The following ATG7 variants were observed in gnomAD, a reference collection of about 807,000 sequenced individuals.
ATG7 encodes the protein autophagy related 7, also known as ubiquitin-like modifier-activating enzyme ATG7.
In ATG7, 70 loss-of-function variants were observed where a neutral mutation model predicts 82.4. The observed-to-expected ratio is 0.85, with a 90% CI of 0.70 to 1.04. ATG7 has a LOEUF of 1.04. Ranked by LOEUF, ATG7 falls within the 50% of genes least tolerant of loss-of-function variation. ATG7 has a pLI of 0.00. For synonymous variants in ATG7, 287 were observed against 313.0 expected (o/e 0.92, Z 0.88); for missense variants, 792 against 864.3 (o/e 0.92, Z 1.05).
intron 19 of ATG7, among the ~76,000 whole-genome samples, chr3:11,389,358 G>A (rs2078592438): frequency 6.8e-6 from 1 of 148,072 alleles, no homozygotes; most frequent in African/African-American, 2.5e-5. Flanking sequence ...ATATGGATAT[G>A]AACTTAATCA....
chr3:11,455,312 C>T (rs2085595335), intron 20 of ATG7, among the ~76,000 whole-genome samples: 1 of 152,156 alleles, frequency 6.6e-6, no homozygotes, highest in Non-Finnish European at 1.5e-5. Flanking sequence ...TGTCCTTACC[C>T]AGTAAGACTA....
At chr3:11,553,501 A>G (rs2072036895) in intron 20 of ATG7, among the ~76,000 whole-genome samples, 1 of 151,768 alleles carries the variant, frequency 6.6e-6, no homozygotes, top group Non-Finnish European at 1.5e-5. Context: ...CCTAAATGCA[A>G]CCTTTGTTAG....
chr3:11,539,346 A>G (rs1291343235), intron 20 of ATG7, among the ~76,000 whole-genome samples: 1 of 152,240 alleles, frequency 6.6e-6, no homozygotes, highest in African/African-American at 2.4e-5. Flanking sequence ...GCAGGACCCA[A>G]TCCTGGAAGT....
intron 12 of ATG7, 139 bp downstream of exon 12, chr3:11,340,874 A>G (rs993215451): frequency 8.9e-6 from 6 of 671,872 alleles, no homozygotes; most frequent in African/African-American, 1.8e-5. Context: ...CTGCTCTTCA[A>G]TTGAAGTTTG....
At position 11,528,364 on chromosome 3, in the gene ATG7, G is replaced by A. The variant is rs146427023; in HGVS notation, c.2080-26447G>A. 3.5e-3 allele frequency among the ~76,000 whole-genome samples: 527 copies of A among 152,132 alleles called. 2 individuals carry two copies. The highest frequency in any genetic ancestry group is 0.012 in the African/African-American group (495 of 41,506). ...TAGCTATCTTACCTTCAGAGGAATC[G>A]CAGTCAGTCACTTACAGTCACCAAT... On this transcript the variant is annotated intron_variant, in intron 20 of 20. Coordinates refer to ENST00000693202, the MANE Select transcript of ATG7 (RefSeq NM_001349232.2).
rs545765436 is a variant in ATG7 at position 11,379,034 on chromosome 3, C to T, written c.1876-938C>T. On this transcript the variant is annotated intron_variant, in intron 18 of 20. Coordinates refer to ENST00000693202, the MANE Select transcript of ATG7 (RefSeq NM_001349232.2). ...GGGAGGGAAGCAGAGAAGCTCAGGC[C>T]GGGGGCAGGTTCACATCAGGAGGTC... is the stretch of plus-strand genomic sequence containing the variant. Among the ~76,000 whole-genome samples, 10 of 152,016 alleles carry T rather than the reference C, an allele frequency of 6.6e-5. No homozygotes were observed. In the South Asian group the frequency reaches 1.7e-3, roughly 25 times the overall value.
At chr3:11,369,963 A>G (rs2076883042) in intron 18 of ATG7, among the ~76,000 whole-genome samples, 1 of 151,110 alleles carries the variant, frequency 6.6e-6, no homozygotes, top group South Asian at 2.1e-4. Flanking sequence ...CAGTTGGGGC[A>G]GCTCTTAGCA....
intron 19 of ATG7, among the ~76,000 whole-genome samples, chr3:11,381,600 A>G (rs571217361): frequency 1.3e-5 from 2 of 152,294 alleles, no homozygotes; most frequent in Admixed American, 6.5e-5. Flanking sequence ...TTTCTTTCAC[A>G]CTTATTGTAA....
chr3:11,447,723 C>A (rs1221806697), intron 20 of ATG7, among the ~76,000 whole-genome samples: 1 of 152,150 alleles, frequency 6.6e-6, no homozygotes, highest in East Asian at 1.9e-4. Context: ...AAAAGAAAAT[C>A]CCAGATAAGG....
At chr3:11,408,387 GCTGTCTTCTTCTGAGCC>G (rs1342757858) in intron 19 of ATG7, among the ~76,000 whole-genome samples, 1 of 152,118 alleles carries the variant, frequency 6.6e-6, no homozygotes, top group Non-Finnish European at 1.5e-5. Flanking sequence ...CCCACATTTT[GCTGTCTTCTTCTGAGCC>G]CTCCAAACTG....
At chr3:11,390,860 G>T (rs1204862614) in intron 19 of ATG7, among the ~76,000 whole-genome samples, 1 of 152,188 alleles carries the variant, frequency 6.6e-6, no homozygotes, top group Non-Finnish European at 1.5e-5. Flanking sequence ...CTAAGAGCTG[G>T]CAGGACATTT....
rs1262321267 is a variant in ATG7, at chr3:11,341,668, G to A, written c.981-467G>A. On this transcript the variant is annotated intron_variant, in intron 12 of 20. Coordinates refer to ENST00000693202, the MANE Select transcript of ATG7 (RefSeq NM_001349232.2). Reference sequence around the variant, plus strand: ...TTACCATGTTGGCTAGGCTGGTCTCGAACTCCTGACCTCAGGTGATCCGCC... The same window carrying A: ...TTACCATGTTGGCTAGGCTGGTCTCAAACTCCTGACCTCAGGTGATCCGCC... Among the ~76,000 whole-genome samples, 5 of 151,992 alleles carry A rather than the reference G, an allele frequency of 3.3e-5. No individual in the cohort carries two copies. The East Asian group carries it at 9.7e-4, about 30-fold the overall frequency.
intron 9 of ATG7, among the ~76,000 whole-genome samples, chr3:11,319,013 C>T (rs577695219): frequency 6.6e-6 from 1 of 152,316 alleles, no homozygotes; most frequent in South Asian, 2.1e-4. Flanking sequence ...CTGTGAGCAA[C>T]TTTAGCACAG....
chr3:11,416,715 CTA>C, intron 19 of ATG7, among the ~76,000 whole-genome samples: 1 of 152,200 alleles, frequency 6.6e-6, no homozygotes, highest in African/African-American at 2.4e-5. Context: ...GATTTCTCCT[CTA>C]GTTTTTATTC....
chr3:11,390,128 T>A (rs1405695355), intron 19 of ATG7, among the ~76,000 whole-genome samples: 2 of 152,224 alleles, frequency 1.3e-5, no homozygotes, highest in African/African-American at 4.8e-5. Context: ...TCAACATCGC[T>A]CTTTCTTAAA....
chr3:11,331,207 A>T, intron 9 of ATG7, 133 bp from the exon 10 acceptor site: 1 of 734,124 alleles, frequency 1.4e-6, no homozygotes, highest in Non-Finnish European at 2.4e-6. Context: ...TCCTCCCCTT[A>T]GCCCTTTACC....
intron 20 of ATG7, among the ~76,000 whole-genome samples, chr3:11,503,629 G>A (rs771555775): frequency 6.6e-6 from 1 of 151,672 alleles, no homozygotes; most frequent in Non-Finnish European, 1.5e-5. Context: ...GGTGGCGCGT[G>A]CCTGTAATCC....
chr3:11,315,463 C>T lies in ATG7; in HGVS notation c.648C>T (p.Tyr216=), dbSNP rs1284818506. ...NMVLVSLLKH[Y]SDFFQGQRTK... Reference sequence around the variant, plus strand: ...TGCTGGTTTCCTTGCTTAAACACTACAGTGATTTCTTCCAAGGTCAAAGGA... The same window carrying T: ...TGCTGGTTTCCTTGCTTAAACACTATAGTGATTTCTTCCAAGGTCAAAGGA... The change falls in exon 9 of 21, where the codon TAC becomes TAT. Residue 216 remains tyrosine (Y), a synonymous_variant. Coordinates refer to ENST00000693202, the MANE Select transcript of ATG7 (RefSeq NM_001349232.2). The T allele has an allele frequency of 6.2e-7, 1 of 1,606,912 alleles. No individual in the cohort carries two copies. The highest frequency in any genetic ancestry group is 2.2e-5 in the East Asian group (1 of 44,698).
chr3:11,276,607 G>A (rs1003961159), intron 1 of ATG7, among the ~76,000 whole-genome samples: 5 of 152,086 alleles, frequency 3.3e-5, no homozygotes, highest in African/African-American at 9.7e-5. Context: ...CCTCGACATT[G>A]CCAGAATACC....
Sources: gnomAD v4.1 joint callset for allele counts (sites outside exome capture counted in the v4.1 genomes callset) on GRCh38, gnomAD v4.1.1 for gene constraint, MANE v1.5 for transcripts, NCBI Gene and HGNC (gene_info 2026-07-23, HGNC 2026-07-21) for gene names.